Variants in NOX3 observed in about 807,000 individuals in gnomAD.
The protein encoded by NOX3 is NADPH oxidase 3, also known as NADPH oxidase catalytic subunit-like 3.
A neutral mutation model predicts 76.7 loss-of-function variants in NOX3; 74 were observed. That is an observed-to-expected ratio of 0.96 (90% CI 0.80 to 1.17). The LOEUF is 1.17. Among genes scored for constraint, NOX3 ranks in the 50% most tolerant of loss-of-function variants. NOX3 has a pLI of 0.00. For missense variants in NOX3, 695 were observed against 703.3 expected (o/e 0.99, Z 0.13); for synonymous variants, 263 against 261.1 (o/e 1.01, Z -0.07).
rs1161977845 is a variant in NOX3 at position 155,455,055 on chromosome 6, A to T, written c.123T>A (p.His41Gln). The T allele has an allele frequency of 1.9e-6, 3 of 1,612,738 alleles. No homozygotes were observed. The highest frequency in any genetic ancestry group is 2.7e-5 in the African/African-American group (2 of 74,914). ...FYWYEEEESFHYTRVILGSTL... is the reference protein window; with the variant it reads ...FYWYEEEESFQYTRVILGSTL... Reference sequence around the variant, plus strand: ...TTACACCCAAAATAACTCGTGTGTAATGGAAAGACTCCTCCTCTTCATACC... The same window carrying T: ...TTACACCCAAAATAACTCGTGTGTATTGGAAAGACTCCTCCTCTTCATACC... Residue 41 changes from histidine (H) to glutamine (Q), a missense_variant, in exon 2 of 14, where the codon CAT becomes CAA. Transcript: ENST00000159060.
chr6:155,396,988 TA>T, intron 12 of NOX3, 26 bp from the exon 13 acceptor site: 1 of 1,588,290 alleles, frequency 6.3e-7, no homozygotes, highest in Non-Finnish European at 8.6e-7. Flanking sequence ...GAAAAGGAAA[TA>T]AAATGTCACC....
intron 9 of NOX3, 44 bp from the exon 10 acceptor site, chr6:155,422,900 C>T (rs1485457316): frequency 2.5e-6 from 4 of 1,604,546 alleles, no homozygotes; most frequent in Non-Finnish European, 3.4e-6. Context: ...TTCAGAACAC[C>T]TTGCTCGTGA....
intron 10 of NOX3, among the ~76,000 whole-genome samples, 180 bp downstream of exon 10, chr6:155,422,514 A>G (rs1054782038): frequency 6.6e-6 from 1 of 152,246 alleles, no homozygotes; most frequent in African/African-American, 2.4e-5. Context: ...AAGATTAGAC[A>G]TAACCCTACT....
chr6:155,446,911 A>C (rs1172246106), intron 4 of NOX3, among the ~76,000 whole-genome samples: 2 of 152,340 alleles, frequency 1.3e-5, no homozygotes, highest in Non-Finnish European at 2.9e-5. Context: ...ACAGAAATAG[A>C]AACTGAGCTT....
chr6:155,435,549 C>T (rs1776893651), intron 7 of NOX3, among the ~76,000 whole-genome samples: 1 of 151,996 alleles, frequency 6.6e-6, no homozygotes, highest in Non-Finnish European at 1.5e-5. Context: ...AACGCAATCA[C>T]TTATATTCTT....
chr6:155,414,600 C>CT (rs1040549534), intron 10 of NOX3, among the ~76,000 whole-genome samples: 6 of 143,694 alleles, frequency 4.2e-5, no homozygotes, highest in African/African-American at 7.7e-5. Context: ...TCATCCAACA[C>CT]TTTTTTTTCT....
chr6:155,444,169 G>C (rs543776978), intron 4 of NOX3, among the ~76,000 whole-genome samples: 1 of 152,254 alleles, frequency 6.6e-6, no homozygotes, highest in South Asian at 2.1e-4. Context: ...AGTCCCCCCA[G>C]TCTAAAGTTT....
Position 155,407,252 on chromosome 6 carries a change from A to G in NOX3, c.1458T>C (p.Ala486=), listed in dbSNP as rs762062001. Residue 486 remains alanine, a splice_region_variant and synonymous_variant, in exon 12 of 14, where the codon GCT becomes GCC. Coordinates refer to ENST00000159060, the MANE Select transcript of NOX3 (RefSeq NM_015718.3). ...CGTCCCAGTGTAAAGCTATGTGAAGAGCCTAAAGTAAATTTGTGGCATTAG... is the reference window on the plus strand; with the variant it reads ...CGTCCCAGTGTAAAGCTATGTGAAGGGCCTAAAGTAAATTTGTGGCATTAG... ...IFLTGWDENQ[A]LHIALHWDEN... is the part of the protein sequence containing the mutation. 3.4e-5 allele frequency: 54 copies of G among 1,610,188 alleles called. No homozygotes were observed. In the South Asian group the frequency reaches 5.7e-4, roughly 17 times the overall value.
intron 10 of NOX3, among the ~76,000 whole-genome samples, chr6:155,417,823 G>T (rs1776639809): frequency 6.6e-6 from 1 of 151,956 alleles, no homozygotes; most frequent in African/African-American, 2.4e-5. Context: ...TCTTTCCCTT[G>T]TTCCCACTGG....
intron 6 of NOX3, among the ~76,000 whole-genome samples, chr6:155,436,796 G>A (rs976705382): frequency 6.6e-6 from 1 of 152,178 alleles, no homozygotes; most frequent in Admixed American, 6.5e-5. Context: ...AATTGAAAGT[G>A]TCTATATTAG....
intron 10 of NOX3, among the ~76,000 whole-genome samples, chr6:155,411,638 G>A (rs1776553666): frequency 6.6e-6 from 1 of 152,152 alleles, no homozygotes; most frequent in South Asian, 2.1e-4. Context: ...CCACATTTCT[G>A]GCTGTGCTGC....
At chr6:155,435,660 T>C (rs1224374473) in intron 7 of NOX3, among the ~76,000 whole-genome samples, 1 of 152,224 alleles carries the variant, frequency 6.6e-6, no homozygotes, top group East Asian at 1.9e-4. Flanking sequence ...ACTTATTTCC[T>C]CCTACTGTTT....
At chr6:155,420,751 T>C (rs1776679055) in intron 10 of NOX3, among the ~76,000 whole-genome samples, 1 of 152,230 alleles carries the variant, frequency 6.6e-6, no homozygotes, top group African/African-American at 2.4e-5. Context: ...TGGCATGAGA[T>C]AGTGCATGTA....
intron 11 of NOX3, among the ~76,000 whole-genome samples, chr6:155,408,562 T>C (rs150650565): frequency 6.6e-6 from 1 of 152,162 alleles, no homozygotes; most frequent in African/African-American, 2.4e-5. Context: ...CTAGGGAGGT[T>C]CAGCTGAAAA....
intron 11 of NOX3, among the ~76,000 whole-genome samples, chr6:155,409,555 T>G (rs1347409434): frequency 6.6e-6 from 1 of 152,244 alleles, no homozygotes; most frequent in Non-Finnish European, 1.5e-5. Context: ...CCAAACTCTG[T>G]TGATTTACCC....
At chr6:155,449,405 C>A (rs1777106733) in intron 4 of NOX3, among the ~76,000 whole-genome samples, 1 of 152,066 alleles carries the variant, frequency 6.6e-6, no homozygotes, top group Admixed American at 6.6e-5. Flanking sequence ...TGCTGTGGAC[C>A]AGGGACTCCA....
intron 5 of NOX3, among the ~76,000 whole-genome samples, chr6:155,442,250 T>C (rs1279959152): frequency 6.6e-6 from 1 of 151,630 alleles, no homozygotes; most frequent in Non-Finnish European, 1.5e-5. Context: ...GGCAACAGAG[T>C]GAGACTCTGT....
At chr6:155,448,449 C>G (rs1777093036) in intron 4 of NOX3, among the ~76,000 whole-genome samples, 1 of 152,066 alleles carries the variant, frequency 6.6e-6, no homozygotes, top group African/African-American at 2.4e-5. Context: ...TGGAGGACCG[C>G]AAGACACACA....
At chr6:155,422,623 C>A (rs571043270) in intron 10 of NOX3, 71 bp downstream of exon 10, 12 of 1,414,380 alleles carry the variant, frequency 8.5e-6, no homozygotes, top group Non-Finnish European at 1.2e-5. Context: ...CCCCAAGAAT[C>A]GGCAGATGAT....
Sources: gnomAD v4.1 joint callset for allele counts (sites outside exome capture counted in the v4.1 genomes callset) on GRCh38, gnomAD v4.1.1 for gene constraint, MANE v1.5 for transcripts, NCBI Gene and HGNC (gene_info 2026-07-23, HGNC 2026-07-21) for gene names.